Variants in RNF43 observed in about 807,000 individuals in gnomAD.
RNF43 encodes ring finger protein 43, also known as E3 ubiquitin-protein ligase RNF43.
A neutral mutation model predicts 78.4 loss-of-function variants in RNF43; 37 were observed. That is an observed-to-expected ratio of 0.47 (90% CI 0.36 to 0.62). RNF43 has a LOEUF of 0.62. Ranked by LOEUF, RNF43 falls within the 20% of genes least tolerant of loss-of-function variation. The pLI, the probability that RNF43 is intolerant of heterozygous loss-of-function variation, is 0.00. For missense variants in RNF43, 774 were observed against 1,007.9 expected, an observed-to-expected ratio of 0.77 and a Z score of 3.14; for synonymous variants, 347 against 395.0, an observed-to-expected ratio of 0.88 and a Z score of 1.44.
chr17:58,367,777 A>G (rs990887164), intron 3 of RNF43, among the ~76,000 whole-genome samples: 2 of 152,234 alleles, frequency 1.3e-5, no homozygotes, highest in African/African-American at 4.8e-5. Flanking sequence ...GGGTTTCAGA[A>G]AAGAATAAGC....
At chr17:58,382,592 T>C (rs1464878903) in intron 2 of RNF43, among the ~76,000 whole-genome samples, 3 of 152,222 alleles carry the variant, frequency 2.0e-5, no homozygotes, top group Non-Finnish European at 2.9e-5. Context: ...CTGGAGAAGC[T>C]TCCTGTTTAA....
intron 2 of RNF43, among the ~76,000 whole-genome samples, chr17:58,372,508 T>A (rs1973121054): frequency 6.6e-6 from 1 of 152,216 alleles, no homozygotes; most frequent in Admixed American, 6.5e-5. Context: ...CTCAACAAGC[T>A]GCATTAGTCT....
chr17:58,383,688 G>A (rs942782413), intron 2 of RNF43, among the ~76,000 whole-genome samples: 8 of 152,232 alleles, frequency 5.3e-5, no homozygotes, highest in Non-Finnish European at 1.0e-4. Flanking sequence ...CGTGATCTCG[G>A]CTCACTGCAA....
chr17:58,371,130 G>A (rs2143518139), intron 2 of RNF43, 97 bp from the exon 3 acceptor site: 1 of 1,275,228 alleles, frequency 7.8e-7, no homozygotes, highest in Non-Finnish European at 1.1e-6. Context: ...GAGGTACCAG[G>A]CAGGTCTCTT....
intron 2 of RNF43, among the ~76,000 whole-genome samples, chr17:58,406,519 G>A (rs1382909588): frequency 6.6e-6 from 1 of 152,044 alleles, no homozygotes; most frequent in Non-Finnish European, 1.5e-5. Flanking sequence ...CTCTAAGAAT[G>A]GAAAACTGAA....
intron 2 of RNF43, among the ~76,000 whole-genome samples, chr17:58,405,700 C>CAGAAAGAAAGAAAGAAAGAAAGAA (rs199880674): frequency 2.7e-5 from 3 of 110,158 alleles, no homozygotes; most frequent in Non-Finnish European, 5.6e-5. Context: ...TCTCTAATGA[C>CAGAAAGAAAGAAAGAAAGAAAGAA]AGAAAGAAAG....
chr17:58,389,897 A>T (rs1291920899), intron 2 of RNF43, among the ~76,000 whole-genome samples: 1 of 152,252 alleles, frequency 6.6e-6, no homozygotes, highest in Non-Finnish European at 1.5e-5. Context: ...AGTTTGCTTT[A>T]GTGCTTCAAT....
At chr17:58,364,780 C>T (rs930970172) in intron 3 of RNF43, among the ~76,000 whole-genome samples, 2 of 152,252 alleles carry the variant, frequency 1.3e-5, no homozygotes, top group African/African-American at 4.8e-5. Context: ...GAAGAGCCAG[C>T]GCTGGGACTT....
intron 2 of RNF43, among the ~76,000 whole-genome samples, chr17:58,407,069 ATTTTTTTT>A (rs35270032): frequency 1.5e-4 from 11 of 74,184 alleles, no homozygotes; most frequent in African/African-American, 2.2e-4. Flanking sequence ...AGAGACCAGA[ATTTTTTTT>A]TTTTTTTTTT....
intron 3 of RNF43, 132 bp downstream of exon 3, chr17:58,370,779 A>G (rs1446394405): frequency 4.8e-6 from 5 of 1,044,586 alleles, no homozygotes; most frequent in Non-Finnish European, 6.5e-6. Flanking sequence ...CAGACCAGTC[A>G]TGGGTTAGGG....
At chr17:58,405,900 G>T (rs1335788990) in intron 2 of RNF43, among the ~76,000 whole-genome samples, 1 of 152,116 alleles carries the variant, frequency 6.6e-6, no homozygotes, top group Admixed American at 6.5e-5. Flanking sequence ...GTTGCTCTTT[G>T]AATTACTATA....
At chr17:58,391,259 A>T (rs970294695) in intron 2 of RNF43, among the ~76,000 whole-genome samples, 1 of 152,216 alleles carries the variant, frequency 6.6e-6, no homozygotes, top group African/African-American at 2.4e-5. Flanking sequence ...TGAAAAATTA[A>T]ATTTCTAATT....
chr17:58,361,499 C>T lies in RNF43; in HGVS notation c.688-555G>A, dbSNP rs924031539. Reference sequence around the variant, plus strand: ...TAATCCAAGCTACCATTACTGTCACCTGGATTCCTGCAATAGCCTCTTAGA... The same window carrying T: ...TAATCCAAGCTACCATTACTGTCACTTGGATTCCTGCAATAGCCTCTTAGA... On this transcript the variant is annotated intron_variant, in intron 6 of 9. Coordinates refer to ENST00000407977, the MANE Select transcript of RNF43 (RefSeq NM_017763.6). Among the ~76,000 whole-genome samples the T allele has an allele frequency of 2.0e-5, 3 of 152,208 alleles. No homozygotes were observed. In the South Asian group the frequency reaches 6.2e-4, roughly 31 times the overall value.
chr17:58,375,331 C>T (rs1362430424), intron 2 of RNF43, among the ~76,000 whole-genome samples: 1 of 152,220 alleles, frequency 6.6e-6, no homozygotes, highest in East Asian at 1.9e-4. Flanking sequence ...GGCCCTGCCT[C>T]ATGGCTTAAC....
intron 2 of RNF43, among the ~76,000 whole-genome samples, chr17:58,378,493 G>T (rs906685064): frequency 1.3e-5 from 2 of 152,214 alleles, no homozygotes; most frequent in Non-Finnish European, 1.5e-5. Flanking sequence ...CTGGGCTCAA[G>T]TGATCCTCCT....
At chr17:58,378,454 A>G (rs1973250733) in intron 2 of RNF43, among the ~76,000 whole-genome samples, 1 of 152,042 alleles carries the variant, frequency 6.6e-6, no homozygotes, top group South Asian at 2.1e-4. Flanking sequence ...ACAAGGTTTC[A>G]CCATATTGCC....
chr17:58,403,685 T>C (rs1973851002), intron 2 of RNF43, among the ~76,000 whole-genome samples: 1 of 152,194 alleles, frequency 6.6e-6, no homozygotes, highest in Non-Finnish European at 1.5e-5. Flanking sequence ...GCATAGTTAC[T>C]AATCAGATGG....
intron 3 of RNF43, among the ~76,000 whole-genome samples, chr17:58,366,956 G>A (rs560898189): frequency 3.4e-4 from 52 of 151,468 alleles, no homozygotes; most frequent in Non-Finnish European, 6.3e-4. Context: ...CTCCTGAGTA[G>A]CTGGGATTAC....
At chr17:58,411,377 T>C (rs1454097278) in intron 2 of RNF43, among the ~76,000 whole-genome samples, 1 of 152,162 alleles carries the variant, frequency 6.6e-6, no homozygotes, top group East Asian at 1.9e-4. Flanking sequence ...ACTGTCTCTC[T>C]AGCTTTGGCC....
Sources: allele counts gnomAD v4.1 joint callset (sites outside exome capture counted in the v4.1 genomes callset), GRCh38; gene constraint gnomAD v4.1.1; transcripts MANE v1.5; gene names NCBI Gene and HGNC (gene_info 2026-07-23, HGNC 2026-07-21).